Variants in KLRG1 observed in about 807,000 individuals in gnomAD.
KLRG1 encodes the protein killer cell lectin like receptor G1, also known as killer cell lectin-like receptor subfamily G member 1.
KLRG1 carries 16 observed loss-of-function variants against 21.8 expected under a neutral mutation model. That is an observed-to-expected ratio of 0.73 (90% CI 0.50 to 1.11). The LOEUF is 1.11. Ranked by LOEUF, KLRG1 falls within the 50% of genes most tolerant of loss-of-function variation. KLRG1 has a pLI of 0.00. For missense variants in KLRG1, 173 were observed against 218.3 expected (o/e 0.79, Z 1.31); for synonymous variants, 69 against 75.9 (o/e 0.91, Z 0.47).
At chr12:9,132,224 T>C in the KLRG1 span, among the ~76,000 whole-genome samples, 4 of 152,246 alleles carry the variant, frequency 2.6e-5, no homozygotes, top group Non-Finnish European at 5.9e-5. Flanking sequence ...TCTATCAACC[T>C]TGGAACACCA....
the KLRG1 span, among the ~76,000 whole-genome samples, chr12:9,204,426 G>T: frequency 6.6e-6 from 1 of 152,126 alleles, no homozygotes; most frequent in South Asian, 2.1e-4. Context: ...TAGATTTACA[G>T]AAATTCAACT....
chr12:8,969,615 A>C (rs1946535437), intron 1 of KLRG1, among the ~76,000 whole-genome samples: 1 of 152,204 alleles, frequency 6.6e-6, no homozygotes, highest in Admixed American at 6.5e-5. Context: ...ACTTAAAGTA[A>C]GCAAAAGGAA....
chr12:8,988,857 C>T (rs948919211), upstream of KLRG1, among the ~76,000 whole-genome samples: 1 of 152,176 alleles, frequency 6.6e-6, no homozygotes, highest in African/African-American at 2.4e-5. Flanking sequence ...GCTGGGATTA[C>T]AGGCGTGAGC....
intron 1 of KLRG1, among the ~76,000 whole-genome samples, chr12:8,967,419 T>C (rs1325613470): frequency 6.6e-6 from 1 of 152,082 alleles, no homozygotes; most frequent in African/African-American, 2.4e-5. Context: ...TTTAAAGATA[T>C]CTCTAAAAAA....
the KLRG1 span, among the ~76,000 whole-genome samples, chr12:9,073,188 T>G: frequency 1.3e-5 from 2 of 152,198 alleles, no homozygotes; most frequent in Admixed American, 6.5e-5. Flanking sequence ...CATCAGCTAT[T>G]TGCTAACATG....
chr12:9,042,904 T>C, the KLRG1 span, among the ~76,000 whole-genome samples: 2 of 152,096 alleles, frequency 1.3e-5, no homozygotes, highest in East Asian at 1.9e-4. Context: ...ACTTTGATGA[T>C]TGCAGGACTG....
chr12:9,192,501 C>T, the KLRG1 span: 1 of 1,605,864 alleles, frequency 6.2e-7, no homozygotes, highest in Non-Finnish European at 8.5e-7. Context: ...ATTCCATGGC[C>T]TCATTCTTAC....
the KLRG1 span, chr12:9,162,756 CA>C: frequency 1.1e-6 from 1 of 901,984 alleles, no homozygotes; most frequent in Admixed American, 2.4e-5. Flanking sequence ...TGATGTTTAC[CA>C]TCCTACTCTT....
chr12:8,974,388 C>T (rs1012985726), intron 1 of KLRG1, among the ~76,000 whole-genome samples: 5 of 152,034 alleles, frequency 3.3e-5, no homozygotes, highest in Non-Finnish European at 5.9e-5. Flanking sequence ...AGGATGGTCT[C>T]GATCTCCTGA....
the KLRG1 span, chr12:9,168,719 T>C: frequency 1.6e-6 from 1 of 638,776 alleles, no homozygotes; most frequent in Non-Finnish European, 2.7e-6. Context: ...TATCACCAGC[T>C]AAGTCACCTC....
chr12:9,033,510 G>A, the KLRG1 span, among the ~76,000 whole-genome samples: 4 of 152,190 alleles, frequency 2.6e-5, no homozygotes, highest in Non-Finnish European at 5.9e-5. Context: ...GGGGAAACAA[G>A]AGGGCACTTT....
At position 9,010,482 on chromosome 12, in the gene KLRG1, A is replaced by G. The variant is rs1030277851; in HGVS notation, c.*945A>G. On this transcript the variant is annotated 3_prime_UTR_variant, in exon 5 of 5. Transcript: ENST00000356986. ...GTTTATGTGGTTGGATCACCAAATT[A>G]TCTTAGGTACTAAGGCCTCAAAAAT... is the stretch of plus-strand genomic sequence containing the variant. The G allele has an allele frequency of 2.6e-5, 4 of 156,736 alleles. No individual in the cohort carries two copies. Among genetic ancestry groups the G allele is most frequent in the Admixed American group, 2.5e-4 (4 of 15,704 alleles). 9.7% of individuals were successfully genotyped at this position (156,736 alleles called of 1,614,324 possible).
the KLRG1 span, chr12:9,113,534 C>T: frequency 5.0e-6 from 8 of 1,613,512 alleles, no homozygotes; most frequent in Non-Finnish European, 5.9e-6. Context: ...GGACCAGAAC[C>T]ATATACTGCC....
chr12:9,114,022 C>A, the KLRG1 span, among the ~76,000 whole-genome samples: 1 of 152,154 alleles, frequency 6.6e-6, no homozygotes, highest in Admixed American at 6.5e-5. Flanking sequence ...GGTAAGCACT[C>A]GCTTCCACTC....
the KLRG1 span, among the ~76,000 whole-genome samples, chr12:9,123,172 TC>T: frequency 5.9e-5 from 9 of 152,158 alleles, no homozygotes; most frequent in Non-Finnish European, 1.3e-4. Flanking sequence ...ATATAGTAGT[TC>T]CCCTTATCCG....
the KLRG1 span, chr12:9,196,219 T>G: frequency 1.6e-6 from 1 of 636,362 alleles, no homozygotes; most frequent in South Asian, 2.4e-5. Context: ...TCATGGTTTT[T>G]GGTCATATTA....
chr12:9,067,000 A>C, the KLRG1 span: 1 of 152,238 alleles, frequency 6.6e-6, no homozygotes, highest in African/African-American at 2.4e-5. Flanking sequence ...AGAAAATTAT[A>C]TATTTTAAAA....
chr12:9,129,945 A>G, the KLRG1 span, among the ~76,000 whole-genome samples: 3 of 152,228 alleles, frequency 2.0e-5, no homozygotes, highest in Admixed American at 6.5e-5. Flanking sequence ...CTGAAACTCT[A>G]TAACTACTAA....
the KLRG1 span, among the ~76,000 whole-genome samples, chr12:9,055,217 A>C: frequency 6.6e-6 from 1 of 152,238 alleles, no homozygotes; most frequent in African/African-American, 2.4e-5. Flanking sequence ...TGATTGATTG[A>C]TAAATTTTCA....
Sources: allele counts gnomAD v4.1 joint callset (sites outside exome capture counted in the v4.1 genomes callset), GRCh38; gene constraint gnomAD v4.1.1; transcripts MANE v1.5; gene names NCBI Gene and HGNC (gene_info 2026-07-23, HGNC 2026-07-21).